Variants in RRAS2 observed in about 807,000 individuals in gnomAD.
The protein encoded by RRAS2 is RAS related 2.
In RRAS2, 7 loss-of-function variants were observed where a neutral mutation model predicts 27.6. The observed-to-expected ratio is 0.25, with a 90% CI of 0.14 to 0.48. RRAS2 has a LOEUF of 0.48. Among genes scored for constraint, RRAS2 ranks in the 20% least tolerant of loss-of-function variants. The pLI, the probability that RRAS2 is intolerant of heterozygous loss-of-function variation, is 0.99. For missense variants in RRAS2, 178 were observed against 256.2 expected (o/e 0.69, Z 2.08); for synonymous variants, 86 against 90.9 (o/e 0.95, Z 0.31).
At chr11:14,308,651 G>C (rs950817883) in intron 1 of RRAS2, among the ~76,000 whole-genome samples, 1 of 152,204 alleles carries the variant, frequency 6.6e-6, no homozygotes, top group African/African-American at 2.4e-5. Flanking sequence ...CTTTATAGCT[G>C]TAGGATTTGC....
chr11:14,358,440 G>C lies in RRAS2; in HGVS notation c.108+323C>G, dbSNP rs1402793398. 10 of 985,224 alleles carry C rather than the reference G, an allele frequency of 1.0e-5. No individual in the cohort carries two copies. The African/African-American group carries it at 1.7e-4, about 17-fold the overall frequency. 61.0% of individuals were successfully genotyped at this position (985,224 alleles called of 1,614,324 possible). On this transcript the variant is annotated intron_variant, in intron 1 of 5. Transcript: ENST00000256196. This position sits in a 1 kb window ranked among gnomAD's most constrained non-coding sequence, Gnocchi z 5.1. ...CCCTCGGAGCAGTAAAGCCCGGCTC[G>C]GTGGCCCAGCCTCTCCCGGAGGTCT...
intron 1 of RRAS2, among the ~76,000 whole-genome samples, chr11:14,348,617 G>T (rs1848886178): frequency 6.6e-6 from 1 of 152,072 alleles, no homozygotes; most frequent in South Asian, 2.1e-4. Context: ...TGATTAAATT[G>T]CCCTATAGTC....
At chr11:14,320,944 GCTGAGGTGGGCTGATCTC>G (rs1848208461) in intron 1 of RRAS2, among the ~76,000 whole-genome samples, 2 of 152,188 alleles carry the variant, frequency 1.3e-5, no homozygotes, top group African/African-American at 2.4e-5. Flanking sequence ...ACTTTGGGAG[GCTGAGGTGGGCTGATCTC>G]CTGAGGTCAG....
chr11:14,350,134 T>C (rs1200308339), intron 1 of RRAS2, among the ~76,000 whole-genome samples: 1 of 152,132 alleles, frequency 6.6e-6, no homozygotes, highest in Non-Finnish European at 1.5e-5. Flanking sequence ...TATTTCTCCT[T>C]CTTTCTTACA....
intron 1 of RRAS2, among the ~76,000 whole-genome samples, chr11:14,331,400 A>G (rs1454398811): frequency 1.3e-5 from 2 of 152,324 alleles, no homozygotes; most frequent in Admixed American, 1.3e-4. Flanking sequence ...GTAAAATTAC[A>G]TTGCAAATAA....
At chr11:14,345,873 C>T (rs2134029131) in intron 1 of RRAS2, among the ~76,000 whole-genome samples, 1 of 152,306 alleles carries the variant, frequency 6.6e-6, no homozygotes, top group African/African-American at 2.4e-5. Flanking sequence ...TACCCCAAGG[C>T]AATTCTGAGA....
intron 1 of RRAS2, among the ~76,000 whole-genome samples, chr11:14,327,310 G>A (rs1412764582): frequency 6.6e-6 from 1 of 152,140 alleles, no homozygotes; most frequent in Non-Finnish European, 1.5e-5. Flanking sequence ...AGAGAGGATG[G>A]TCAAACCTCA....
intron 1 of RRAS2, among the ~76,000 whole-genome samples, chr11:14,301,859 G>A (rs1470698358): frequency 6.6e-6 from 1 of 152,140 alleles, no homozygotes; most frequent in East Asian, 1.9e-4. Context: ...GGCACCTGTA[G>A]TCCCAGCTAT....
intron 1 of RRAS2, among the ~76,000 whole-genome samples, chr11:14,319,547 A>G (rs574092297): frequency 6.6e-6 from 1 of 151,200 alleles, no homozygotes; most frequent in African/African-American, 2.4e-5. Context: ...TTTAGTAGAG[A>G]CGGGGTTTCA....
chr11:14,293,468 C>T (rs1847467669), intron 4 of RRAS2, among the ~76,000 whole-genome samples: 1 of 151,888 alleles, frequency 6.6e-6, no homozygotes, highest in Admixed American at 6.6e-5. Flanking sequence ...GCTGTGTTCC[C>T]ATCCAAATCT....
At chr11:14,312,331 C>CA (rs1847989261) in intron 1 of RRAS2, among the ~76,000 whole-genome samples, 1 of 152,194 alleles carries the variant, frequency 6.6e-6, no homozygotes, top group Non-Finnish European at 1.5e-5. Context: ...ATTCATTTGA[C>CA]AAATAGTTGT....
upstream of RRAS2, among the ~76,000 whole-genome samples, chr11:14,363,412 C>T (rs1554956359): frequency 6.6e-6 from 1 of 152,176 alleles, no homozygotes; most frequent in East Asian, 1.9e-4. Flanking sequence ...GGGCTCCTCC[C>T]CAGACCTGCT....
intron 1 of RRAS2, chr11:14,356,741 C>T (rs1554955470): frequency 2.2e-6 from 1 of 453,484 alleles, no homozygotes; most frequent in East Asian, 7.0e-5. Flanking sequence ...ATACTATTCA[C>T]AGTGGAGGTA....
At chr11:14,324,679 A>C (rs1554950767) in intron 1 of RRAS2, among the ~76,000 whole-genome samples, 1 of 152,214 alleles carries the variant, frequency 6.6e-6, no homozygotes, top group African/African-American at 2.4e-5. Flanking sequence ...GCACCTAAAA[A>C]GTTCCTGGCA....
At chr11:14,292,574 T>TG (rs1241473244) in intron 4 of RRAS2, among the ~76,000 whole-genome samples, 2 of 151,758 alleles carry the variant, frequency 1.3e-5, no homozygotes, top group African/African-American at 2.4e-5. Context: ...CTCAAGGAAA[T>TG]GGTCTTAAAA....
chr11:14,316,691 T>C (rs782408271), intron 1 of RRAS2, among the ~76,000 whole-genome samples: 1 of 152,208 alleles, frequency 6.6e-6, no homozygotes, highest in Non-Finnish European at 1.5e-5. Context: ...TGCAGTGAGC[T>C]ATGATCGCAC....
chr11:14,353,873 C>A (rs1170910968), intron 1 of RRAS2, among the ~76,000 whole-genome samples: 2 of 152,094 alleles, frequency 1.3e-5, no homozygotes, highest in Non-Finnish European at 2.9e-5. Flanking sequence ...AACAAGAAAA[C>A]CTTTAGTATG....
chr11:14,293,124 A>AAT (rs781860601), intron 4 of RRAS2, among the ~76,000 whole-genome samples: 3,131 of 76,592 alleles, frequency 0.041, 163 homozygotes, highest in East Asian at 0.1. Context: ...AAACAAAACA[A>AAT]ATATATATAT....
chr11:14,278,843 T>C lies in RRAS2; in HGVS notation c.*494A>G, dbSNP rs576018206. On this transcript the variant is annotated 3_prime_UTR_variant, in exon 6 of 6. Transcript: ENST00000256196. ...TTGTAGTATCAGTAAAGGTCTGAGATGGTTCACTTTTGTAGATTCAATTCA... is the reference window on the plus strand; with the variant it reads ...TTGTAGTATCAGTAAAGGTCTGAGACGGTTCACTTTTGTAGATTCAATTCA... 1 of 154,496 alleles carries C rather than the reference T, an allele frequency of 6.5e-6. No individual in the cohort carries two copies. The highest frequency in any genetic ancestry group is 2.4e-5 in the African/African-American group (1 of 41,570). The allele number at this position is 154,496 out of a possible 1,614,324, so 9.6% of individuals were successfully genotyped here. A position where few individuals can be genotyped will look rare whatever the true frequency, so the allele number is the denominator to read the frequency against.
Sources: allele counts gnomAD v4.1 joint callset (sites outside exome capture counted in the v4.1 genomes callset), GRCh38; gene constraint gnomAD v4.1.1; non-coding constraint Gnocchi (gnomAD v3.1); transcripts MANE v1.5; gene names NCBI Gene and HGNC (gene_info 2026-07-23, HGNC 2026-07-21).